CTBP1: variants seen among roughly 807,000 people sequenced by gnomAD.
CTBP1 encodes C-terminal-binding protein 1.
A neutral mutation model predicts 42.1 loss-of-function variants in CTBP1; 11 were observed. The observed-to-expected ratio is 0.26, with a 90% CI of 0.16 to 0.43. The LOEUF is 0.43. Ranked by LOEUF, CTBP1 falls within the 20% of genes least tolerant of loss-of-function variation. CTBP1 has a pLI of 1.00. For synonymous variants in CTBP1, 324 were observed against 277.1 expected (o/e 1.17, Z -1.68); for missense variants, 399 against 624.3 (o/e 0.64, Z 3.85).
chr4:1,214,585 TC>T, intron 6 of CTBP1, 112 bp from the exon 7 acceptor site: 1 of 1,348,702 alleles, frequency 7.4e-7, no homozygotes, highest in Non-Finnish European at 9.8e-7. Context: ...CCTAGCCCCT[TC>T]CCAGCCCCAC....
chr4:1,245,494 C>A, intron 1 of CTBP1: 1 of 985,398 alleles, frequency 1.0e-6, no homozygotes, highest in Non-Finnish European at 1.2e-6. Flanking sequence ...GAGGCTCCTG[C>A]CAGCCACGCA....
intron 2 of CTBP1, among the ~76,000 whole-genome samples, chr4:1,239,005 C>A (rs1731873742): frequency 6.6e-6 from 1 of 152,196 alleles, no homozygotes; most frequent in Non-Finnish European, 1.5e-5. Flanking sequence ...AGGACGCCCC[C>A]AACCCTCTGC....
chr4:1,248,820 C>T, intron 1 of CTBP1, 96 bp downstream of exon 1: 3 of 924,404 alleles, frequency 3.2e-6, no homozygotes, highest in Non-Finnish European at 3.9e-6. Flanking sequence ...GGCCCGCGGG[C>T]GCGCGCTCGG....
rs750112627 is a variant in CTBP1 at position 1,216,122 on chromosome 4, C to T, written c.598G>A (p.Val200Met). The change falls in exon 6 of 10, where the codon GTG (valine) becomes ATG (methionine). Residue 200 changes from valine to methionine, a missense_variant. Val to Met is a conservative substitution (Grantham distance 21, BLOSUM62 1). Transcript: ENST00000382952. ...LFYDPYLSDG[V>M]ERALGLQRVS... ...CGCTGCAGCCCCAGCGCCCGCTCCA[C>T]GCCATCCGACAAGTAAGGGTCGTAG... The T allele has an allele frequency of 2.7e-5, 43 of 1,611,268 alleles. 1 individual carries two copies. Among genetic ancestry groups the T allele is most frequent in the South Asian group, 9.9e-5 (9 of 90,996 alleles).
At chr4:1,222,429 G>A (rs1470905349) in intron 5 of CTBP1, among the ~76,000 whole-genome samples, 2 of 152,166 alleles carry the variant, frequency 1.3e-5, no homozygotes, top group Non-Finnish European at 2.9e-5. Context: ...CCGAGAGCGA[G>A]GGAAGCAGCT....
intron 1 of CTBP1, 28 bp downstream of exon 1, chr4:1,248,888 C>T: frequency 4.3e-6 from 4 of 939,338 alleles, no homozygotes; most frequent in Non-Finnish European, 5.1e-6. Context: ...CCGCCCGCGG[C>T]CGGAAACGCG....
intron 3 of CTBP1, among the ~76,000 whole-genome samples, 175 bp from the exon 4 acceptor site, chr4:1,228,518 C>A (rs772414947): frequency 8.5e-5 from 13 of 152,250 alleles, no homozygotes; most frequent in Non-Finnish European, 1.8e-4. Flanking sequence ...ACGCGCGGCC[C>A]CTCAACCTCT....
upstream of CTBP1, chr4:1,249,175 C>G (rs1017126020): frequency 1.4e-5 from 2 of 147,448 alleles, no homozygotes; most frequent in African/African-American, 4.9e-5. Flanking sequence ...GGTTGGTCTC[C>G]TGGTTCCCAG....
intron 1 of CTBP1, chr4:1,245,729 G>A: frequency 1.0e-6 from 1 of 965,532 alleles, no homozygotes; most frequent in Non-Finnish European, 1.2e-6. Context: ...GCAGGTCAGG[G>A]TGGCACGTGT....
intron 1 of CTBP1, chr4:1,244,860 C>T: frequency 1.0e-6 from 1 of 985,472 alleles, no homozygotes; most frequent in Non-Finnish European, 1.2e-6. Flanking sequence ...CCTGGCGGTG[C>T]TGCCCAGCCA....
chr4:1,221,579 A>G (rs994127074), intron 5 of CTBP1: 2 of 183,872 alleles, frequency 1.1e-5, no homozygotes, highest in East Asian at 1.8e-4. Context: ...GCTGGGTCGT[A>G]TGAAAACACA....
intron 1 of CTBP1, chr4:1,245,037 C>G: frequency 1.0e-6 from 1 of 985,430 alleles, no homozygotes; most frequent in Non-Finnish European, 1.2e-6. Context: ...GGGCTGAGAG[C>G]ACGGGGCCAA....
upstream of CTBP1, chr4:1,250,286 C>T (rs1301402702): frequency 3.8e-5 from 9 of 235,884 alleles, no homozygotes; most frequent in Admixed American, 3.0e-4. Flanking sequence ...GCCAGACCTG[C>T]CCTGCGTGCC....
At chr4:1,248,697 G>A (rs1172704539) in intron 1 of CTBP1, 6 of 981,682 alleles carry the variant, frequency 6.1e-6, no homozygotes, top group African/African-American at 3.5e-5. Flanking sequence ...AGACTGCGGC[G>A]CTCGCGCACA....
chr4:1,219,344 C>T (rs1186910313), intron 5 of CTBP1, among the ~76,000 whole-genome samples: 1 of 152,108 alleles, frequency 6.6e-6, no homozygotes, highest in Non-Finnish European at 1.5e-5. Flanking sequence ...AGAGCAAGAC[C>T]TTGTCTCTGA....
chr4:1,217,245 C>G (rs891189049), intron 5 of CTBP1: 1 of 152,296 alleles, frequency 6.6e-6, no homozygotes, highest in East Asian at 1.9e-4. Flanking sequence ...GGCTGGGAGG[C>G]CAGTCAGAAG....
intron 1 of CTBP1, 84 bp downstream of exon 1, chr4:1,248,832 C>G (rs1441000635): frequency 2.2e-6 from 2 of 908,174 alleles, no homozygotes; most frequent in African/African-American, 1.8e-5. Flanking sequence ...CGCGCTCGGT[C>G]CGCCCCCGCG....
Position 1,225,575 on chromosome 4 carries a change from A to G in CTBP1, c.308-9T>C. Reference sequence around the variant, plus strand: ...GTTGCAGACGGCAATGCCTGTGGGGACAAGGACACGGCGGTCACCCCCGGG... The same window carrying G: ...GTTGCAGACGGCAATGCCTGTGGGGGCAAGGACACGGCGGTCACCCCCGGG... On this transcript the variant is annotated splice_polypyrimidine_tract_variant and intron_variant, in intron 4 of 9. Coordinates refer to ENST00000382952, the MANE Select transcript of CTBP1 (RefSeq NM_001012614.2). 6.5e-7 allele frequency: 1 copy of G among 1,538,332 alleles called. No individual in the cohort carries two copies. The highest frequency in any genetic ancestry group is 8.7e-7 in the Non-Finnish European group (1 of 1,146,074).
In CTBP1 at chr4:1,214,557, G is replaced by A. The variant is rs552662031; in HGVS notation, c.730-84C>T. ...GGGAAGCAAGGTGGTCACGCACGCC[G>A]TTGGGAAGGCCCAGCTCCCTAGCCC... is the stretch of plus-strand genomic sequence containing the variant. On this transcript the variant is annotated intron_variant, in intron 6 of 9. Transcript: ENST00000382952. 2.6e-5 allele frequency: 38 copies of A among 1,465,250 alleles called. No homozygotes were observed. The East Asian group carries it at 5.5e-4, about 21-fold the overall frequency. The allele number at this position is 1,465,250 out of a possible 1,614,324, so 90.8% of individuals were successfully genotyped here.
Sources: gnomAD v4.1 joint callset for allele counts (sites outside exome capture counted in the v4.1 genomes callset) on GRCh38, gnomAD v4.1.1 for gene constraint, MANE v1.5 for transcripts, NCBI Gene and HGNC (gene_info 2026-07-23, HGNC 2026-07-21) for gene names.